The following PCLO variants were observed in gnomAD, a reference collection of about 807,000 sequenced individuals.
The protein encoded by PCLO is piccolo presynaptic cytomatrix protein, also known as protein piccolo.
A neutral mutation model predicts 427.5 loss-of-function variants in PCLO; 82 were observed. The ratio of observed to expected loss-of-function variants is 0.19; its 90% CI spans 0.16 to 0.23. The LOEUF is 0.23. Ranked by LOEUF, PCLO falls within the 10% of genes least tolerant of loss-of-function variation. The pLI, the probability that PCLO is intolerant of heterozygous loss-of-function variation, is 1.00. For synonymous variants in PCLO, 2,357 were observed against 2,155.4 expected (o/e 1.09, Z -2.59); for missense variants, 6,239 against 6,115.9 (o/e 1.02, Z -0.67).
chr7:83,000,229 T>C (rs1296837296), intron 3 of PCLO, among the ~76,000 whole-genome samples: 1 of 145,650 alleles, frequency 6.9e-6, no homozygotes, highest in Non-Finnish European at 1.5e-5. Context: ...TCAGAAACCA[T>C]GGAAGCAGGA....
chr7:83,149,955 GCTTCTGCCAAAAGA>G (rs1792087415), intron 2 of PCLO, among the ~76,000 whole-genome samples: 1 of 151,916 alleles, frequency 6.6e-6, no homozygotes, highest in African/African-American at 2.4e-5. Context: ...AAAATATCTG[GCTTCTGCCAAAAGA>G]CTTATATATG....
At chr7:82,975,724 T>A (rs1176500608) in intron 3 of PCLO, among the ~76,000 whole-genome samples, 1 of 152,118 alleles carries the variant, frequency 6.6e-6, no homozygotes, top group East Asian at 1.9e-4. Context: ...TAAAATGTAA[T>A]CCCCACGTGT....
chr7:82,925,704 TTTTTGTTGC>T (rs1794696138), intron 6 of PCLO, among the ~76,000 whole-genome samples: 1 of 147,482 alleles, frequency 6.8e-6, no homozygotes, highest in African/African-American at 2.5e-5. Flanking sequence ...AGCTCAAGAA[TTTTTGTTGC>T]TTTTTTTTTT....
chr7:82,963,415 T>C (rs989891867), intron 4 of PCLO, among the ~76,000 whole-genome samples: 1 of 152,132 alleles, frequency 6.6e-6, no homozygotes, highest in East Asian at 1.9e-4. Flanking sequence ...ATTTGTGCGA[T>C]TGCCAATTCT....
chr7:82,954,133 T>C lies in PCLO; in HGVS notation c.6820A>G (p.Ile2274Val), dbSNP rs766093048. 6.2e-7 allele frequency: 1 copy of C among 1,613,818 alleles called. No homozygotes were observed. Among genetic ancestry groups the C allele is most frequent in the African/African-American group, 1.3e-5 (1 of 74,924 alleles). Residue 2274 changes from isoleucine (I) to valine (V), a missense_variant, in exon 5 of 25, where the codon ATA becomes GTA. By Grantham distance (29) the Ile-to-Val change is conservative (BLOSUM62 3). This residue lies in a region of PCLO where 4,677 missense variants were observed against 4,468.4 expected (regional missense o/e 1.05). Coordinates refer to ENST00000333891, the MANE Select transcript of PCLO (RefSeq NM_033026.6). Reference sequence around the variant, plus strand: ...TCAGGTTTAGGTACTACAGATTCTATGATAGAAGATGCCATATCAGATAAG... The same window carrying C: ...TCAGGTTTAGGTACTACAGATTCTACGATAGAAGATGCCATATCAGATAAG... The part of the protein sequence containing the change: ...ISLSDMASSI[I>V]ESVVPKPEGP...
intron 9 of PCLO, 148 bp from the exon 10 acceptor site, chr7:82,879,610 T>A: frequency 1.6e-6 from 1 of 606,170 alleles, no homozygotes; most frequent in Non-Finnish European, 2.9e-6. Flanking sequence ...CCAAAGTATG[T>A]TATTCTGATT....
intron 3 of PCLO, among the ~76,000 whole-genome samples, chr7:83,010,007 T>C (rs1441043918): frequency 6.6e-6 from 1 of 151,968 alleles, no homozygotes; most frequent in East Asian, 1.9e-4. Flanking sequence ...TTCTCACTAC[T>C]GAGCAAGTTA....
intron 3 of PCLO, among the ~76,000 whole-genome samples, chr7:83,050,200 GAA>G (rs1321543064): frequency 3.5e-4 from 7 of 19,938 alleles, no homozygotes; most frequent in Non-Finnish European, 1.0e-4. Context: ...TTCCTCATCT[GAA>G]AAACTGAAAA....
In PCLO at chr7:82,758,660, G is replaced by T; in HGVS notation, c.15344C>A (p.Ala5115Asp). 6.2e-7 allele frequency: 1 copy of T among 1,609,626 alleles called. No homozygotes were observed. Among genetic ancestry groups the T allele is most frequent in the African/African-American group, 1.3e-5 (1 of 74,868 alleles). The change falls in exon 25 of 25, where the codon GCC becomes GAC. Residue 5115 changes from alanine to aspartate, a missense_variant. Physicochemically the swap from Ala to Asp is moderately radical, Grantham distance 126. Transcript: ENST00000333891. ...KFMKKTLIGE[A>D]CIWLDKVDLR... ...ATCCACTTTGTCAAGCCAGATACAG[G>T]CTTCACCAATCAAGGTCTTTTTCAT...
intron 3 of PCLO, among the ~76,000 whole-genome samples, chr7:82,997,059 A>C (rs1583885708): frequency 6.6e-6 from 1 of 151,958 alleles, no homozygotes; most frequent in Non-Finnish European, 1.5e-5. Context: ...AGCAGGAAAT[A>C]CTAGACTTGA....
chr7:83,146,221 C>A (rs1791990126), intron 2 of PCLO, among the ~76,000 whole-genome samples: 1 of 152,104 alleles, frequency 6.6e-6, no homozygotes, highest in Non-Finnish European at 1.5e-5. Context: ...TCAAAGGTAA[C>A]AAGATATACT....
At chr7:82,879,957 A>G (rs939829889) in intron 9 of PCLO, 5 of 383,636 alleles carry the variant, frequency 1.3e-5, no homozygotes, top group Admixed American at 3.3e-5. Flanking sequence ...TAACCAACTA[A>G]TATTGTTTGT....
chr7:82,837,118 A>G (rs1001334444), intron 15 of PCLO, among the ~76,000 whole-genome samples: 3 of 152,094 alleles, frequency 2.0e-5, no homozygotes, highest in South Asian at 2.1e-4. Flanking sequence ...TATTAAGGCT[A>G]TTTTTAAATG....
intron 13 of PCLO, among the ~76,000 whole-genome samples, chr7:82,844,378 T>A (rs918322088): frequency 6.6e-6 from 1 of 152,188 alleles, no homozygotes; most frequent in African/African-American, 2.4e-5. Flanking sequence ...AAACAAATCA[T>A]TTTACGATGC....
intron 10 of PCLO, among the ~76,000 whole-genome samples, chr7:82,856,705 T>G (rs1377413477): frequency 6.6e-6 from 1 of 152,184 alleles, no homozygotes. Flanking sequence ...ATATCACAAT[T>G]TATTTGTTAG....
intron 22 of PCLO, among the ~76,000 whole-genome samples, chr7:82,775,623 C>T (rs1790733325): frequency 2.0e-5 from 3 of 152,210 alleles, no homozygotes; most frequent in Admixed American, 6.5e-5. Context: ...GATAACAGAC[C>T]TTTATAAGTC....
intron 22 of PCLO, among the ~76,000 whole-genome samples, chr7:82,764,793 C>A (rs971991874): frequency 3.3e-5 from 5 of 149,850 alleles, no homozygotes; most frequent in African/African-American, 7.3e-5. Flanking sequence ...GTTGAAACTA[C>A]AAAGTAAGAT....
At chr7:82,963,648 T>C (rs1285672487) in intron 4 of PCLO, among the ~76,000 whole-genome samples, 2 of 152,050 alleles carry the variant, frequency 1.3e-5, no homozygotes, top group Non-Finnish European at 2.9e-5. Context: ...ACCAAGATCT[T>C]AAAAAATATT....
Position 82,757,484 on chromosome 7 carries a change from T to C in PCLO, c.*1091A>G, listed in dbSNP as rs1278227731. Reference sequence around the variant, plus strand: ...ATGTTTTCATGATACAATCAGTAAATGAATTAAGTCATTAAGGAAAAAAGC... The same window carrying C: ...ATGTTTTCATGATACAATCAGTAAACGAATTAAGTCATTAAGGAAAAAAGC... On this transcript the variant is annotated 3_prime_UTR_variant, in exon 25 of 25. Coordinates refer to ENST00000333891, the MANE Select transcript of PCLO (RefSeq NM_033026.6). 1 of 151,910 alleles carries C rather than the reference T, an allele frequency of 6.6e-6. No individual in the cohort carries two copies. The highest frequency in any genetic ancestry group is 2.4e-5 in the African/African-American group (1 of 41,372). 9.4% of individuals were successfully genotyped at this position (151,910 alleles called of 1,614,324 possible). A position where few individuals can be genotyped will look rare whatever the true frequency, so the allele number is the denominator to read the frequency against.
Sources: allele counts gnomAD v4.1 joint callset (sites outside exome capture counted in the v4.1 genomes callset), GRCh38; gene constraint gnomAD v4.1.1; regional missense constraint gnomAD v4.1.1; transcripts MANE v1.5; gene names NCBI Gene and HGNC (gene_info 2026-07-23, HGNC 2026-07-21).